The following KLF11 variants were observed in gnomAD, a reference collection of about 807,000 sequenced individuals.
The protein encoded by KLF11 is Krueppel-like factor 11.
KLF11 carries 26 observed loss-of-function variants against 29.9 expected under a neutral mutation model. The observed-to-expected ratio is 0.87, with a 90% confidence interval of 0.64 to 1.21. The LOEUF (loss-of-function observed/expected upper bound fraction) is 1.21, where lower values mean the gene tolerates loss of function less well. Among genes scored for constraint, KLF11 ranks in the 50% most tolerant of loss-of-function variants. The pLI is 0.00. For synonymous variants in KLF11, 318 were observed against 257.4 expected (o/e 1.24, Z -2.25); for missense variants, 778 against 665.7 (o/e 1.17, Z -1.86).
In KLF11 at chr2:10,048,006, A is replaced by C; in HGVS notation, c.669A>C (p.Leu223Phe). The C allele has an allele frequency of 6.2e-7, 1 of 1,614,166 alleles. No individual in the cohort carries two copies. The highest frequency in any genetic ancestry group is 8.5e-7 in the Non-Finnish European group (1 of 1,180,044). ...TLQDTHLTDS[L>F]LSTNLVSCQP... is the part of the protein sequence containing the mutation. Reference sequence around the variant, plus strand: ...AGGACACACACCTCACGGACAGTTTACTCAGCACTAACTTGGTGTCCTGTC... The same window carrying C: ...AGGACACACACCTCACGGACAGTTTCCTCAGCACTAACTTGGTGTCCTGTC... The change falls in exon 3 of 4, where the codon TTA (leucine) becomes TTC (phenylalanine). Residue 223 changes from leucine to phenylalanine, a missense_variant. By Grantham distance (22) the Leu-to-Phe change is conservative. Transcript: ENST00000305883.
intron 3 of KLF11, among the ~76,000 whole-genome samples, chr2:10,051,882 C>T (rs1661417362): frequency 6.6e-6 from 1 of 152,106 alleles, no homozygotes; most frequent in South Asian, 2.1e-4. Flanking sequence ...CTTTGTTGCC[C>T]AGGCTAGTCT....
Position 10,046,185 on chromosome 2 carries a change from G to A in KLF11, c.78G>A (p.Glu26=), listed in dbSNP as rs779719904. ...DIMDICESIL[E]RKRHDSERST... is the part of the protein sequence containing the mutation. ...TGGACATATGTGAGTCCATCCTGGA[G>A]AGGAAGCGGCATGACAGCGAAAGGT... Residue 26 remains glutamate, a synonymous_variant, in exon 2 of 4, where the codon GAG becomes GAA. Coordinates refer to ENST00000305883, the MANE Select transcript of KLF11 (RefSeq NM_003597.5). 6 of 1,614,038 alleles carry A rather than the reference G, an allele frequency of 3.7e-6. No homozygotes were observed. Among genetic ancestry groups the A allele is most frequent in the Admixed American group, 1.7e-5 (1 of 60,002 alleles).
In KLF11 at chr2:10,053,569, T is replaced by C; in HGVS notation, c.*1062T>C. 1 of 397,470 alleles carries C rather than the reference T, an allele frequency of 2.5e-6. No individual in the cohort carries two copies. 24.6% of individuals were successfully genotyped at this position (397,470 alleles called of 1,614,324 possible). On this transcript the variant is annotated 3_prime_UTR_variant, in exon 4 of 4. Coordinates refer to ENST00000305883, the MANE Select transcript of KLF11 (RefSeq NM_003597.5). ...CAGGCAGTGCCAAGATTCCGCTTCC[T>C]TTGTTTGCCAAATACTAGAAACACA...
chr2:10,043,755 C>T lies in KLF11; in HGVS notation c.39C>T (p.Arg13=). 1.4e-6 allele frequency: 2 copies of T among 1,382,850 alleles called. No individual in the cohort carries two copies. The highest frequency in any genetic ancestry group is 9.5e-7 in the Non-Finnish European group (1 of 1,052,412). 85.7% of individuals were successfully genotyped at this position (1,382,850 alleles called of 1,614,324 possible). ...TPDFAGPDDA[R]AVDIMDICES... is the part of the protein sequence containing the mutation. ...ACTTCGCAGGCCCAGACGACGCGCG[C>T]GCAGTGAGTGGTGGGGCTGCCGCGG... The change falls in exon 1 of 4, where the codon CGC becomes CGT. Residue 13 remains arginine, a synonymous_variant. Coordinates refer to ENST00000305883, the MANE Select transcript of KLF11 (RefSeq NM_003597.5).
chr2:10,046,241 T>G lies in KLF11; in HGVS notation c.134T>G (p.Met45Arg). Residue 45 changes from methionine to arginine, a missense_variant, in exon 2 of 4, where the codon ATG becomes AGG. Transcript: ENST00000305883. ...TGCAGCATCTTGGAGCAGACAGACA[T>G]GGAAGCTGTCGAGGCTCTTGTTTGT... ...STCSILEQTD[M>R]EAVEALVCMS... 6.2e-7 allele frequency: 1 copy of G among 1,614,156 alleles called. No individual in the cohort carries two copies. The highest frequency in any genetic ancestry group is 8.5e-7 in the Non-Finnish European group (1 of 1,180,036).
At chr2:10,051,547 C>T (rs1661405513) in intron 3 of KLF11, among the ~76,000 whole-genome samples, 1 of 148,348 alleles carries the variant, frequency 6.7e-6, no homozygotes, top group South Asian at 2.1e-4. Flanking sequence ...GAGACGGAGT[C>T]TCCTGTGTCG....
chr2:10,051,162 C>T (rs927185717), intron 3 of KLF11, among the ~76,000 whole-genome samples: 1 of 151,762 alleles, frequency 6.6e-6, no homozygotes, highest in Non-Finnish European at 1.5e-5. Context: ...TCTGTCTCAG[C>T]CTCCCAAAGT....
Position 10,052,343 on chromosome 2 carries a change from T to G in KLF11, c.1375T>G (p.Cys459Gly). Residue 459 changes from cysteine (C) to glycine (G), a missense_variant, in exon 4 of 4, where the codon TGT becomes GGT. Transcript: ENST00000305883. Reference protein sequence around the residue: ...TGEKKFVCPVCDRRFMRSDHL... With the variant: ...TGEKKFVCPVGDRRFMRSDHL... ...GGAGAAGAAGTTTGTGTGCCCGGTGTGTGACCGACGTTTCATGCGCAGTGA... is the reference window on the plus strand; with the variant it reads ...GGAGAAGAAGTTTGTGTGCCCGGTGGGTGACCGACGTTTCATGCGCAGTGA... 6.2e-7 allele frequency: 1 copy of G among 1,614,036 alleles called. No homozygotes were observed. Among genetic ancestry groups the G allele is most frequent in the South Asian group, 1.1e-5 (1 of 91,072 alleles).
chr2:10,043,702 C>A lies in KLF11; in HGVS notation c.-15C>A. The A allele has an allele frequency of 7.5e-7, 1 of 1,334,926 alleles. No homozygotes were observed. The highest frequency in any genetic ancestry group is 9.7e-7 in the Non-Finnish European group (1 of 1,025,732). 82.7% of individuals were successfully genotyped at this position (1,334,926 alleles called of 1,614,324 possible). ...CGCCCCGCGGCCGCTTTGTTGCTCC[C>A]GGCCGGCCTGCACGATGCACACGCC... On this transcript the variant is annotated 5_prime_UTR_variant, in exon 1 of 4. Coordinates refer to ENST00000305883, the MANE Select transcript of KLF11 (RefSeq NM_003597.5).
At chr2:10,048,641 G>A (rs1427238288) in intron 3 of KLF11, 46 bp downstream of exon 3, 2 of 1,443,058 alleles carry the variant, frequency 1.4e-6, no homozygotes, top group East Asian at 2.3e-5. Flanking sequence ...AGACCCTGTG[G>A]TTAGGAAGCA....
chr2:10,051,667 G>A (rs1045880752), intron 3 of KLF11, among the ~76,000 whole-genome samples: 6 of 151,764 alleles, frequency 4.0e-5, no homozygotes, highest in South Asian at 2.1e-4. Flanking sequence ...ACAGGTGCCC[G>A]CCACCACACC....
At chr2:10,049,773 C>T (rs992440293) in intron 3 of KLF11, among the ~76,000 whole-genome samples, 5 of 152,142 alleles carry the variant, frequency 3.3e-5, no homozygotes, top group African/African-American at 1.2e-4. Context: ...GTATATCTCA[C>T]CTGGATATAT....
At position 10,048,503 on chromosome 2, in the gene KLF11, C is replaced by G. The variant is rs1195616923; in HGVS notation, c.1166C>G (p.Ser389Cys). The G allele has an allele frequency of 1.2e-6, 2 of 1,613,682 alleles. No individual in the cohort carries two copies. The highest frequency in any genetic ancestry group is 3.3e-5 in the Admixed American group (2 of 59,994). ...SQNCVPQVDF[S>C]RRRNYVCSFP... is the part of the protein sequence containing the mutation. Reference sequence around the variant, plus strand: ...AACTGTGTCCCTCAGGTAGACTTTTCCCGAAGGAGGAACTATGTATGCAGC... The same window carrying G: ...AACTGTGTCCCTCAGGTAGACTTTTGCCGAAGGAGGAACTATGTATGCAGC... Residue 389 changes from serine to cysteine, a missense_variant, in exon 3 of 4, where the codon TCC becomes TGC. Physicochemically the swap from Ser to Cys is moderately radical, Grantham distance 112. Transcript: ENST00000305883.
chr2:10,043,763 G>A lies in KLF11; in HGVS notation c.42+5G>A, dbSNP rs1175784729. On this transcript the variant is annotated splice_donor_5th_base_variant and intron_variant, in intron 1 of 3. Transcript: ENST00000305883. ...GGCCCAGACGACGCGCGCGCAGTGAGTGGTGGGGCTGCCGCGGCGGGACTA... is the reference window on the plus strand; with the variant it reads ...GGCCCAGACGACGCGCGCGCAGTGAATGGTGGGGCTGCCGCGGCGGGACTA... The A allele has an allele frequency of 1.5e-6, 2 of 1,376,516 alleles. No individual in the cohort carries two copies. Among genetic ancestry groups the A allele is most frequent in the South Asian group, 1.3e-5 (1 of 78,610 alleles). The allele number at this position is 1,376,516 out of a possible 1,614,324, so 85.3% of individuals were successfully genotyped here.
chr2:10,046,728 G>A (rs949780144), intron 2 of KLF11, among the ~76,000 whole-genome samples: 3 of 152,074 alleles, frequency 2.0e-5, no homozygotes, highest in Non-Finnish European at 2.9e-5. Context: ...GGTGGCGGGC[G>A]CCTGTAGTCC....
rs754016004 is a variant in KLF11 at position 10,048,602 on chromosome 2, G to A, written c.1258+7G>A. 6.3e-6 allele frequency: 10 copies of A among 1,593,450 alleles called. No homozygotes were observed. The highest frequency in any genetic ancestry group is 3.3e-5 in the Admixed American group (2 of 59,990). Reference sequence around the variant, plus strand: ...CATCTTCGCACTCACACAGGTAAGCGCTGGGGCAGGTGGGGCATTGGGCAC... The same window carrying A: ...CATCTTCGCACTCACACAGGTAAGCACTGGGGCAGGTGGGGCATTGGGCAC... On this transcript the variant is annotated splice_region_variant and intron_variant, in intron 3 of 3. Coordinates refer to ENST00000305883, the MANE Select transcript of KLF11 (RefSeq NM_003597.5).
chr2:10,047,188 C>T (rs1409881671), intron 2 of KLF11, among the ~76,000 whole-genome samples: 3 of 152,132 alleles, frequency 2.0e-5, no homozygotes, highest in African/African-American at 4.8e-5. Context: ...GTCACTCTTG[C>T]TTTTTGTTTT....
At chr2:10,044,468 G>T (rs1288156457) in intron 1 of KLF11, 3 of 984,030 alleles carry the variant, frequency 3.0e-6, no homozygotes, top group African/African-American at 1.7e-5. Flanking sequence ...CGGCCTCGGC[G>T]CCCGGTTCTG....
rs1211154167 is a variant in KLF11, at chr2:10,054,553, ACT to A, written c.*2049_*2050del. The A allele has an allele frequency of 1.3e-5, 2 of 152,284 alleles. No individual in the cohort carries two copies. The highest frequency in any genetic ancestry group is 2.1e-4 in the South Asian group (1 of 4,798). 9.4% of individuals were successfully genotyped at this position (152,284 alleles called of 1,614,324 possible). Reference sequence around the variant, plus strand: ...AGTTGGAAACAGTTCCTGTCTGAAAACTCTTCTGAGAACCACAAACCTTGTGT... The same window carrying A: ...AGTTGGAAACAGTTCCTGTCTGAAAACTTCTGAGAACCACAAACCTTGTGT... On this transcript the variant is annotated 3_prime_UTR_variant, in exon 4 of 4. Coordinates refer to ENST00000305883, the MANE Select transcript of KLF11 (RefSeq NM_003597.5).
Sources: gnomAD v4.1 joint callset for allele counts (sites outside exome capture counted in the v4.1 genomes callset) on GRCh38, gnomAD v4.1.1 for gene constraint, MANE v1.5 for transcripts, NCBI Gene and HGNC (gene_info 2026-07-23, HGNC 2026-07-21) for gene names.